Variants in PML observed in about 807,000 individuals in gnomAD.
PML encodes the protein protein PML.
In PML, 28 loss-of-function variants were observed where a neutral mutation model predicts 65.2. That is an observed-to-expected ratio of 0.43 (90% CI 0.32 to 0.59). The LOEUF (loss-of-function observed/expected upper bound fraction) is 0.59. Among genes scored for constraint, PML ranks in the 20% least tolerant of loss-of-function variants. The probability of loss-of-function intolerance (pLI) is 0.08; values close to 1 mark genes in which losing one functional copy is unlikely to be tolerated. For missense variants in PML, 1,021 were observed against 1,203.4 expected (o/e 0.85, Z 2.24); for synonymous variants, 500 against 508.8 (o/e 0.98, Z 0.23).
At chr15:74,025,546 G>T in intron 4 of PML, 1 of 158,740 alleles carries the variant, frequency 6.3e-6, no homozygotes, top group Admixed American at 5.9e-5. Flanking sequence ...CAGGGTTCAA[G>T]GTATCCATGT....
In PML at chr15:74,010,185, AT is replaced by A. The variant is rs536738558; in HGVS notation, c.602+11737del. On this transcript the variant is annotated intron_variant, in intron 2 of 8. Transcript: ENST00000268058. ...AGACATGCACCACCATGCCCAGCTAATTTTTTTTTTTTTTTTTTTTTTTTTT... is the reference window on the plus strand; with the variant it reads ...AGACATGCACCACCATGCCCAGCTAATTTTTTTTTTTTTTTTTTTTTTTTT... Among the ~76,000 whole-genome samples the A allele has an allele frequency of 3.0e-3, 235 of 77,894 alleles. 2 individuals are homozygous for A. The highest frequency in any genetic ancestry group is 4.0e-3 in the African/African-American group (80 of 19,860). 51.1% of individuals were successfully genotyped at this position (77,894 alleles called of 152,430 possible).
chr15:74,003,519 A>G (rs1249059991), intron 2 of PML, among the ~76,000 whole-genome samples: 2 of 152,254 alleles, frequency 1.3e-5, no homozygotes, highest in Admixed American at 1.3e-4. Flanking sequence ...AGAGTAGAAT[A>G]TAACTATTCT....
intron 6 of PML, 103 bp from the exon 7 acceptor site, chr15:74,034,375 C>A: frequency 6.6e-7 from 1 of 1,505,344 alleles, no homozygotes; most frequent in South Asian, 1.1e-5. Context: ...CATCCGTTTC[C>A]CCCAGCCGAC....
chr15:74,023,086 A>C lies in PML; in HGVS notation c.861A>C (p.Val287=), dbSNP rs2070914771. The change falls in exon 3 of 9, where the codon GTA becomes GTC. Residue 287 remains valine (V), a synonymous_variant. Coordinates refer to ENST00000268058, the MANE Select transcript of PML (RefSeq NM_033238.3). Reference sequence around the variant, plus strand: ...TCCGCGAGCGCGTGCGCCAGGTGGTAGCTCACGTGCGGGCTCAGGAGCGCG... The same window carrying C: ...TCCGCGAGCGCGTGCGCCAGGTGGTCGCTCACGTGCGGGCTCAGGAGCGCG... ...ELIRERVRQV[V]AHVRAQEREL... The C allele has an allele frequency of 1.9e-6, 3 of 1,602,920 alleles. No individual in the cohort carries two copies. The highest frequency in any genetic ancestry group is 1.3e-5 in the African/African-American group (1 of 74,840).
chr15:74,022,957 G>C lies in PML; in HGVS notation c.732G>C (p.Thr244=). Residue 244 remains threonine (T), a synonymous_variant, in exon 3 of 9, where the codon ACG becomes ACC. Transcript: ENST00000268058. ...QQRQEELDAM[T]QALQEQDSAF... is the part of the protein sequence containing the mutation. The stretch of plus-strand genomic sequence containing the variant: ...GACAGGAGGAGCTGGACGCCATGAC[G>C]CAGGCGCTGCAGGAGCAGGATAGTG... 2 of 1,610,248 alleles carry C rather than the reference G, an allele frequency of 1.2e-6. No homozygotes were observed. The highest frequency in any genetic ancestry group is 2.2e-5 in the South Asian group (2 of 90,652).
chr15:73,997,949 T>G (rs1054852058), intron 1 of PML, 55 bp from the exon 2 acceptor site: 6 of 1,491,874 alleles, frequency 4.0e-6, no homozygotes, highest in Non-Finnish European at 5.6e-6. Flanking sequence ...GGTTGGCCGG[T>G]AGGTGGGGGC....
At chr15:74,004,056 A>AT (rs1595881814) in intron 2 of PML, among the ~76,000 whole-genome samples, 2 of 152,024 alleles carry the variant, frequency 1.3e-5, no homozygotes, top group East Asian at 3.8e-4. Flanking sequence ...CTAATGGTCT[A>AT]TTTTTTCTCT....
chr15:74,009,057 G>T (rs553416207), intron 2 of PML, among the ~76,000 whole-genome samples: 1 of 152,254 alleles, frequency 6.6e-6, no homozygotes, highest in South Asian at 2.1e-4. Context: ...AGATGGAGGG[G>T]TGTGGAGACG....
intron 2 of PML, 148 bp downstream of exon 2, chr15:73,998,624 G>C: frequency 2.9e-6 from 2 of 695,136 alleles, no homozygotes; most frequent in East Asian, 2.7e-5. Flanking sequence ...TGCAGTGTCC[G>C]TGTTGATGAC....
chr15:74,039,444 A>G (rs2141891018), intron 7 of PML, among the ~76,000 whole-genome samples: 1 of 152,362 alleles, frequency 6.6e-6, no homozygotes, highest in African/African-American at 2.4e-5. Context: ...TTAAGTGCTC[A>G]GAAAGTTCTT....
Position 74,037,863 on chromosome 15 carries a change from C to T in PML, c.1710+3333C>T, listed in dbSNP as rs957021936. Reference sequence around the variant, plus strand: ...TCAGCCACGCCCCTGACTTCAGTTACTGCCCAGGGGTAGCTGATACCCAAC... The same window carrying T: ...TCAGCCACGCCCCTGACTTCAGTTATTGCCCAGGGGTAGCTGATACCCAAC... On this transcript the variant is annotated intron_variant, in intron 7 of 8. Coordinates refer to ENST00000268058, the MANE Select transcript of PML (RefSeq NM_033238.3). This position sits in a 1 kb window ranked among gnomAD's most constrained non-coding sequence, Gnocchi z 4.2. 2 of 291,282 alleles carry T rather than the reference C, an allele frequency of 6.9e-6. No individual in the cohort carries two copies. The highest frequency in any genetic ancestry group is 4.6e-5 in the African/African-American group (2 of 43,858). 18.0% of individuals were successfully genotyped at this position (291,282 alleles called of 1,614,324 possible).
chr15:74,027,274 A>G (rs1290735993), intron 4 of PML: 2 of 152,198 alleles, frequency 1.3e-5, no homozygotes. Context: ...TAATAAGGCC[A>G]GGTGTGGTGG....
chr15:74,003,980 C>T (rs1432564729), intron 2 of PML, among the ~76,000 whole-genome samples: 1 of 152,214 alleles, frequency 6.6e-6, no homozygotes, highest in Non-Finnish European at 1.5e-5. Flanking sequence ...ACAGTGCTTT[C>T]ACCTCAGAAT....
At chr15:74,015,303 G>C (rs913578959) in intron 2 of PML, among the ~76,000 whole-genome samples, 7 of 152,150 alleles carry the variant, frequency 4.6e-5, no homozygotes, top group Middle Eastern at 3.2e-3. Context: ...AACTGATCTG[G>C]TAAAATGCAT....
rs2071775425 is a variant in PML, at chr15:74,046,783, C to G, written c.*1775C>G. On this transcript the variant is annotated 3_prime_UTR_variant, in exon 9 of 9. Coordinates refer to ENST00000268058, the MANE Select transcript of PML (RefSeq NM_033238.3). ...TGTGAATCTTGAAAGCCTGATGCTC[C>G]AATCACAGACTCTGCTCAGCATCCC... is the stretch of plus-strand genomic sequence containing the variant. The G allele has an allele frequency of 4.3e-6, 1 of 231,246 alleles. No homozygotes were observed. The allele number at this position is 231,246 out of a possible 1,614,324, so 14.3% of individuals were successfully genotyped here.
In PML at chr15:74,037,459, T is replaced by C. The variant is rs893183116; in HGVS notation, c.1710+2929T>C. 5.1e-6 allele frequency: 5 copies of C among 985,390 alleles called. No individual in the cohort carries two copies. The highest frequency in any genetic ancestry group is 6.0e-6 in the Non-Finnish European group (5 of 829,916). The allele number at this position is 985,390 out of a possible 1,614,324, so 61.0% of individuals were successfully genotyped here. A position where few individuals can be genotyped will look rare whatever the true frequency, so the allele number is the denominator to read the frequency against. On this transcript the variant is annotated intron_variant, in intron 7 of 8. Coordinates refer to ENST00000268058, the MANE Select transcript of PML (RefSeq NM_033238.3). The surrounding 1 kb of genome is among the most constrained non-coding windows in gnomAD (Gnocchi z 4.2). ...ATCTTCTAATGTATCCACTGCCTTC[T>C]GAACTAAACACCCTGAATGAGGTCT...
Position 74,043,218 on chromosome 15 carries a change from T to G in PML, c.1861+79T>G, listed in dbSNP as rs764787231. 12 of 1,613,098 alleles carry G rather than the reference T, an allele frequency of 7.4e-6. No homozygotes were observed. The East Asian group carries it at 2.7e-4, about 36-fold the overall frequency. On this transcript the variant is annotated intron_variant, in intron 8 of 8. Coordinates refer to ENST00000268058, the MANE Select transcript of PML (RefSeq NM_033238.3). The surrounding 1 kb of genome is among the most constrained non-coding windows in gnomAD (Gnocchi z 4.3). ...AAAAAGAAGTGCAGGCAGAGCCATC[T>G]GCCAGGCCCAGGAGAGCTCTGAGCT...
chr15:74,042,480 T>G lies in PML; in HGVS notation c.1711-509T>G. The G allele has an allele frequency of 1.0e-6, 1 of 985,388 alleles. No individual in the cohort carries two copies. Among genetic ancestry groups the G allele is most frequent in the African/African-American group, 1.7e-5 (1 of 57,340 alleles). 61.0% of individuals were successfully genotyped at this position (985,388 alleles called of 1,614,324 possible). ...GAGGCTTCTTTCTCCCGTCCCAAGT[T>G]TTGGTGTTTCTTCTGAGTCTGCTCA... On this transcript the variant is annotated intron_variant, in intron 7 of 8. Coordinates refer to ENST00000268058, the MANE Select transcript of PML (RefSeq NM_033238.3). The surrounding 1 kb of genome is among the most constrained non-coding windows in gnomAD (Gnocchi z 5.3).
At chr15:74,002,096 G>T (rs913930866) in intron 2 of PML, among the ~76,000 whole-genome samples, 3 of 151,266 alleles carry the variant, frequency 2.0e-5, no homozygotes, top group African/African-American at 7.3e-5. Flanking sequence ...TTGGTTTCTT[G>T]TTCTGTCACC....
Sources: gnomAD v4.1 joint callset for allele counts (sites outside exome capture counted in the v4.1 genomes callset) on GRCh38, gnomAD v4.1.1 for gene constraint, Gnocchi (gnomAD v3.1) non-coding constraint, MANE v1.5 for transcripts, NCBI Gene and HGNC (gene_info 2026-07-23, HGNC 2026-07-21) for gene names.